The following RIPOR2 variants were observed in gnomAD, a reference collection of about 807,000 sequenced individuals.
RIPOR2 encodes the protein rho family-interacting cell polarization regulator 2.
In RIPOR2, 39 loss-of-function variants were observed where a neutral mutation model predicts 114.5. That is an observed-to-expected ratio of 0.34 (90% CI 0.26 to 0.44). The LOEUF is 0.44. Among genes scored for constraint, RIPOR2 ranks in the 20% least tolerant of loss-of-function variants. The pLI is 1.00. For synonymous variants in RIPOR2, 445 were observed against 484.4 expected (o/e 0.92, Z 1.07); for missense variants, 1,007 against 1,255.1 (o/e 0.80, Z 2.99).
chr6:24,884,292 C>G (rs1265732738), intron 1 of RIPOR2, among the ~76,000 whole-genome samples: 1 of 152,006 alleles, frequency 6.6e-6, no homozygotes, highest in African/African-American at 2.4e-5. Flanking sequence ...GCCTGTAGTC[C>G]CAGCTACTCG....
intron 1 of RIPOR2, among the ~76,000 whole-genome samples, chr6:25,029,411 GAAAAA>G (rs71544610): frequency 8.8e-5 from 8 of 90,642 alleles, no homozygotes; most frequent in Admixed American, 1.5e-4. Flanking sequence ...TCTCAAAAAA[GAAAAA>G]AAAAAAAAAA....
At chr6:24,834,477 T>C (rs1449800570) in intron 15 of RIPOR2, among the ~76,000 whole-genome samples, 2 of 152,056 alleles carry the variant, frequency 1.3e-5, no homozygotes, top group African/African-American at 4.8e-5. Flanking sequence ...ACACTTTTTC[T>C]TTTCTTTTCT....
chr6:24,839,636 A>T (rs776550242), intron 13 of RIPOR2: 28 of 1,540,108 alleles, frequency 1.8e-5, no homozygotes, highest in Non-Finnish European at 2.3e-5. Flanking sequence ...TTGAAAAAAA[A>T]CAAAAAAAAC....
At chr6:25,002,553 A>G (rs986339499) in intron 1 of RIPOR2, among the ~76,000 whole-genome samples, 5 of 152,254 alleles carry the variant, frequency 3.3e-5, no homozygotes, top group Admixed American at 6.5e-5. Flanking sequence ...TTTCCATAGA[A>G]AGCAAAACCT....
At chr6:24,966,715 C>G (rs1031794260) in intron 1 of RIPOR2, among the ~76,000 whole-genome samples, 1 of 152,176 alleles carries the variant, frequency 6.6e-6, no homozygotes, top group African/African-American at 2.4e-5. Flanking sequence ...ATCCAAGGTA[C>G]AGCACTGCCA....
intron 1 of RIPOR2, among the ~76,000 whole-genome samples, chr6:24,959,249 G>C (rs1463318765): frequency 6.6e-6 from 1 of 152,156 alleles, no homozygotes; most frequent in African/African-American, 2.4e-5. Context: ...GTCACATTCT[G>C]AGGTACCAAA....
intron 1 of RIPOR2, among the ~76,000 whole-genome samples, chr6:24,891,587 C>A (rs1049161367): frequency 1.3e-5 from 2 of 151,970 alleles, no homozygotes; most frequent in South Asian, 2.1e-4. Flanking sequence ...GCTTATGTAT[C>A]CGAGACTGGA....
At chr6:25,033,063 G>C (rs1418519825) in intron 1 of RIPOR2, among the ~76,000 whole-genome samples, 5 of 152,124 alleles carry the variant, frequency 3.3e-5, no homozygotes, top group Non-Finnish European at 7.4e-5. Context: ...AATTAGCCGG[G>C]CATGGTGGCA....
At chr6:24,972,156 A>AG (rs1052078197) in intron 1 of RIPOR2, among the ~76,000 whole-genome samples, 37 of 152,302 alleles carry the variant, frequency 2.4e-4, no homozygotes, top group Non-Finnish European at 4.6e-4. Context: ...GGCATGTAAC[A>AG]GGGTAAAGAA....
intron 1 of RIPOR2, among the ~76,000 whole-genome samples, chr6:24,994,629 C>T (rs1201939923): frequency 1.3e-5 from 2 of 152,144 alleles, no homozygotes; most frequent in Non-Finnish European, 2.9e-5. Flanking sequence ...TTGGGGTACT[C>T]ATGAGAGCGA....
At chr6:24,990,396 T>C (rs933854932) in intron 1 of RIPOR2, among the ~76,000 whole-genome samples, 2 of 152,234 alleles carry the variant, frequency 1.3e-5, no homozygotes, top group Admixed American at 6.5e-5. Context: ...AACTCCAACA[T>C]TGCAGACAAT....
intron 1 of RIPOR2, chr6:24,910,877 A>C: frequency 6.1e-6 from 6 of 985,352 alleles, no homozygotes; most frequent in Non-Finnish European, 7.2e-6. Context: ...GGCATATAAA[A>C]GCCTCCGCAC....
intron 13 of RIPOR2, chr6:24,840,862 CCT>C: frequency 1.6e-6 from 2 of 1,236,170 alleles, no homozygotes; most frequent in Non-Finnish European, 2.3e-6. Flanking sequence ...TTGCCCCAGA[CCT>C]AAACACACTC....
chr6:24,886,132 T>A (rs752555324), intron 1 of RIPOR2, among the ~76,000 whole-genome samples: 4 of 151,140 alleles, frequency 2.6e-5, no homozygotes, highest in Non-Finnish European at 5.9e-5. Context: ...CTCCTCCAAA[T>A]ACACACACAC....
intron 8 of RIPOR2, among the ~76,000 whole-genome samples, chr6:24,857,027 G>A (rs1035636531): frequency 2.0e-5 from 3 of 152,172 alleles, no homozygotes; most frequent in Non-Finnish European, 4.4e-5. Flanking sequence ...TGGAACTGCT[G>A]TAGTGGCATC....
chr6:24,847,421 A>G lies in RIPOR2; in HGVS notation c.1164+604T>C. The G allele has an allele frequency of 3.1e-6, 3 of 958,684 alleles. No homozygotes were observed. In the South Asian group the frequency reaches 6.0e-5, roughly 19 times the overall value. The allele number at this position is 958,684 out of a possible 1,614,324, so 59.4% of individuals were successfully genotyped here. On this transcript the variant is annotated intron_variant, in intron 12 of 21. Coordinates refer to ENST00000643898, the MANE Select transcript of RIPOR2 (RefSeq NM_001286445.3). ...CGACCAAGTGTCCCGCCCCAAGGAC[A>G]GTACAGCTGTAACCATACCCAGTGA...
intron 1 of RIPOR2, among the ~76,000 whole-genome samples, chr6:24,965,872 A>G (rs1773506267): frequency 6.6e-6 from 1 of 152,162 alleles, no homozygotes; most frequent in Non-Finnish European, 1.5e-5. Context: ...TAACTTTCAA[A>G]CGTACTCATC....
At chr6:24,880,060 T>C (rs993798857) in intron 1 of RIPOR2, among the ~76,000 whole-genome samples, 1 of 152,212 alleles carries the variant, frequency 6.6e-6, no homozygotes, top group African/African-American at 2.4e-5. Flanking sequence ...GGAATTAAAA[T>C]TTTGGAGAAC....
chr6:25,018,572 T>G (rs1010374834), intron 1 of RIPOR2, among the ~76,000 whole-genome samples: 7 of 152,190 alleles, frequency 4.6e-5, no homozygotes, highest in Non-Finnish European at 7.4e-5. Flanking sequence ...TTAAAAAAAT[T>G]TATCACTTGC....
Sources: allele counts gnomAD v4.1 joint callset (sites outside exome capture counted in the v4.1 genomes callset), GRCh38; gene constraint gnomAD v4.1.1; transcripts MANE v1.5; gene names NCBI Gene and HGNC (gene_info 2026-07-23, HGNC 2026-07-21).